AGAP2: variants seen among roughly 807,000 people sequenced by gnomAD.
AGAP2 encodes ArfGAP with GTPase domain, ankyrin repeat and PH domain 2, also known as arf-GAP with GTPase, ANK repeat and PH domain-containing protein 2.
A neutral mutation model predicts 110.9 loss-of-function variants in AGAP2; 32 were observed. That is an observed-to-expected ratio of 0.29 (90% CI 0.22 to 0.39). The LOEUF (loss-of-function observed/expected upper bound fraction) is 0.39, where lower values mean the gene tolerates loss of function less well. AGAP2 is among the 10% of genes least tolerant of loss of function. The pLI, the probability that AGAP2 is intolerant of heterozygous loss-of-function variation, is 1.00. For missense variants in AGAP2, 1,285 were observed against 1,638.5 expected, an observed-to-expected ratio of 0.78 and a Z score of 3.72; for synonymous variants, 702 against 713.0, an observed-to-expected ratio of 0.98 and a Z score of 0.25.
Position 57,737,549 on chromosome 12 carries a change from G to C in AGAP2, c.698C>G (p.Ser233Trp), listed in dbSNP as rs758302966. The change falls in exon 1 of 19, where the codon TCG becomes TGG. Residue 233 changes from serine (S) to tryptophan (W), a missense_variant. Transcript: ENST00000547588. The surrounding 1 kb of genome is among the most constrained non-coding windows in gnomAD (Gnocchi z 5.9). ...GSKSSAGTGASVSAAATAAAA... is the reference protein window; with the variant it reads ...GSKSSAGTGAWVSAAATAAAA... ...GGCGGCGGTGGCGGCGGCAGAGACC[G>C]AAGCTCCAGTCCCGGCGCTGCTCTT... 2 of 1,554,058 alleles carry C rather than the reference G, an allele frequency of 1.3e-6. No individual in the cohort carries two copies. Among genetic ancestry groups the C allele is most frequent in the Non-Finnish European group, 1.7e-6 (2 of 1,149,590 alleles).
At chr12:57,741,578 T>G (rs926677736), upstream of AGAP2, among the ~76,000 whole-genome samples, 4 of 152,198 alleles carry the variant, frequency 2.6e-5, no homozygotes, top group Admixed American at 1.3e-4. Flanking sequence ...TGCCCCAGAC[T>G]GCTTCCTGCT....
chr12:57,730,570 G>A lies in AGAP2; in HGVS notation c.2353C>T (p.Leu785=), dbSNP rs779358849. The A allele has an allele frequency of 3.7e-6, 6 of 1,614,196 alleles. No individual in the cohort carries two copies. The Admixed American group carries it at 1.0e-4, about 27-fold the overall frequency. The change falls in exon 12 of 19, where the codon CTG becomes TTG. Residue 785 remains leucine (L), a synonymous_variant. Transcript: ENST00000547588. ...MPSPSPSPSS[L]QPPPDQTSKH... Reference sequence around the variant, plus strand: ...GATGTCTGATCTGGTGGTGGCTGCAGGGAACTGGGGCTGGGGCTAGGGCTT... The same window carrying A: ...GATGTCTGATCTGGTGGTGGCTGCAAGGAACTGGGGCTGGGGCTAGGGCTT...
chr12:57,738,259 C>T lies in AGAP2; in HGVS notation c.-13G>A, dbSNP rs1955029653. 6.7e-7 allele frequency: 1 copy of T among 1,501,450 alleles called. No individual in the cohort carries two copies. Among genetic ancestry groups the T allele is most frequent in the Non-Finnish European group, 8.8e-7 (1 of 1,130,350 alleles). 93.0% of individuals were successfully genotyped at this position (1,501,450 alleles called of 1,614,324 possible). A position where few individuals can be genotyped will look rare whatever the true frequency, so the allele number is the denominator to read the frequency against. ...CGCCCCGGCTCATGGGGCCCGGAGA[C>T]CCCCGAGCTGGGGAGGGGAGGGGAC... On this transcript the variant is annotated 5_prime_UTR_variant, in exon 1 of 19. Transcript: ENST00000547588. The surrounding 1 kb of genome is among the most constrained non-coding windows in gnomAD (Gnocchi z 6.7).
At position 57,737,393 on chromosome 12, in the gene AGAP2, G is replaced by C. The variant is rs774065710; in HGVS notation, c.854C>G (p.Pro285Arg). 1 of 1,613,828 alleles carries C rather than the reference G, an allele frequency of 6.2e-7. No homozygotes were observed. Among genetic ancestry groups the C allele is most frequent in the Admixed American group, 1.7e-5 (1 of 60,028 alleles). Reference sequence around the variant, plus strand: ...TAGCGGAGGAGGAGAGCCGGCAGGCGGTCCCGGATGCAAGTCACTGTTGTC... The same window carrying C: ...TAGCGGAGGAGGAGAGCCGGCAGGCCGTCCCGGATGCAAGTCACTGTTGTC... ...TLDNSDLHPG[P>R]PAGSPPPLTL... The change falls in exon 1 of 19, where the codon CCG becomes CGG. Residue 285 changes from proline to arginine, a missense_variant. By Grantham distance (103) the Pro-to-Arg change is moderately radical. Coordinates refer to ENST00000547588, the MANE Select transcript of AGAP2 (RefSeq NM_001122772.3). This position sits in a 1 kb window ranked among gnomAD's most constrained non-coding sequence, Gnocchi z 5.9.
chr12:57,741,988 G>T, upstream of AGAP2: 1 of 1,614,142 alleles, frequency 6.2e-7, no homozygotes, highest in Middle Eastern at 1.6e-4. Context: ...GCTTCCTGAG[G>T]CGGTTTAGAG....
chr12:57,735,997 C>T (rs1187077993), intron 1 of AGAP2, among the ~76,000 whole-genome samples: 1 of 152,182 alleles, frequency 6.6e-6, no homozygotes, highest in African/African-American at 2.4e-5. Context: ...CCATCTCCCA[C>T]ACCCTCCCCA....
At position 57,737,157 on chromosome 12, in the gene AGAP2, G is replaced by A; in HGVS notation, c.1090C>T (p.Pro364Ser). The A allele has an allele frequency of 1.3e-6, 2 of 1,573,522 alleles. No homozygotes were observed. The highest frequency in any genetic ancestry group is 1.2e-5 in the South Asian group (1 of 86,436). The change falls in exon 1 of 19, where the codon CCC (proline) becomes TCC (serine). Residue 364 changes from proline to serine, a missense_variant. This residue lies in a region of AGAP2 where 844 missense variants were observed against 941.2 expected (regional missense o/e 0.90). Coordinates refer to ENST00000547588, the MANE Select transcript of AGAP2 (RefSeq NM_001122772.3). This position sits in a 1 kb window ranked among gnomAD's most constrained non-coding sequence, Gnocchi z 5.9. ...GACAGGCTGGGGGGTCCGGGAAGGG[G>A]CCCGGAGCCAGGAGGCCCTCCTGTG... ...KSTGGPPGSGPLPGPPSLSSG... is the reference protein window; with the variant it reads ...KSTGGPPGSGSLPGPPSLSSG...
At chr12:57,733,114 G>A (rs1595089362) in intron 5 of AGAP2, 135 bp from the exon 6 acceptor site, 4 of 1,182,888 alleles carry the variant, frequency 3.4e-6, no homozygotes, top group African/African-American at 1.5e-5. Flanking sequence ...TCTTTTCTGT[G>A]ACCAGGTGGA....
chr12:57,733,026 G>A (rs1954916282), intron 5 of AGAP2, 47 bp from the exon 6 acceptor site: 1 of 1,610,036 alleles, frequency 6.2e-7, no homozygotes. Flanking sequence ...GCCCCACCTT[G>A]TTCGATTTTT....
Position 57,726,633 on chromosome 12 carries a change from G to A in AGAP2, c.3498C>T (p.Ser1166=). 2.5e-6 allele frequency: 3 copies of A among 1,198,428 alleles called. No individual in the cohort carries two copies. Among genetic ancestry groups the A allele is most frequent in the Admixed American group, 4.5e-5 (1 of 22,226 alleles). The allele number at this position is 1,198,428 out of a possible 1,614,324, so 74.2% of individuals were successfully genotyped here. A position where few individuals can be genotyped will look rare whatever the true frequency, so the allele number is the denominator to read the frequency against. Residue 1166 remains serine, a synonymous_variant, in exon 19 of 19, where the codon AGC becomes AGT. Coordinates refer to ENST00000547588, the MANE Select transcript of AGAP2 (RefSeq NM_001122772.3). The surrounding 1 kb of genome is among the most constrained non-coding windows in gnomAD (Gnocchi z 5.7). ...GGCGGGGGCTGGGCGTGGCGGTGAT[G>A]CTGGGCGTGGTGGCCGCGCTGGGCG... is the stretch of plus-strand genomic sequence containing the variant. The part of the protein sequence containing the change: ...ATTPSAATTP[S]ITATPSPRRR...
At chr12:57,730,266 T>C (rs1248527365) in intron 12 of AGAP2, 3 of 610,572 alleles carry the variant, frequency 4.9e-6, no homozygotes, top group Non-Finnish European at 8.4e-6. Context: ...AGAGGTCAAG[T>C]AACTTGCCCA....
rs1024889078 is a variant in AGAP2 at position 57,733,956 on chromosome 12, T to C, written c.1549+70A>G. 5 of 1,497,246 alleles carry C rather than the reference T, an allele frequency of 3.3e-6. No individual in the cohort carries two copies. The East Asian group carries it at 6.9e-5, about 21-fold the overall frequency. 92.7% of individuals were successfully genotyped at this position (1,497,246 alleles called of 1,614,324 possible). A position where few individuals can be genotyped will look rare whatever the true frequency, so the allele number is the denominator to read the frequency against. On this transcript the variant is annotated intron_variant, in intron 5 of 18. Transcript: ENST00000547588. ...CCACACCTTACCAAGTTCTCACCCA[T>C]GTTGGGCAATATCCCAGTAGCCTCC...
chr12:57,734,004 T>C (rs1954932369), intron 5 of AGAP2, 22 bp downstream of exon 5: 1 of 1,545,484 alleles, frequency 6.5e-7, no homozygotes, highest in Non-Finnish European at 8.7e-7. Context: ...TTGAAAGCAG[T>C]GCTTTCCTAA....
intron 1 of AGAP2, among the ~76,000 whole-genome samples, chr12:57,736,425 C>G (rs575106833): frequency 6.6e-6 from 1 of 152,358 alleles, no homozygotes; most frequent in South Asian, 2.1e-4. Context: ...ACTCCAGGGT[C>G]AGCCCCGGGT....
At chr12:57,736,630 GA>G (rs1239137794) in intron 1 of AGAP2, among the ~76,000 whole-genome samples, 3 of 152,238 alleles carry the variant, frequency 2.0e-5, no homozygotes, top group African/African-American at 7.2e-5. Context: ...TCCCTGGCGA[GA>G]AGCTGCCTGC....
intron 2 of AGAP2, 132 bp downstream of exon 2, chr12:57,735,237 C>G: frequency 1.1e-6 from 1 of 872,486 alleles, no homozygotes; most frequent in Non-Finnish European, 1.8e-6. Flanking sequence ...GGCAGACTCT[C>G]AGGAGAACTG....
In AGAP2 at chr12:57,734,301, C is replaced by A. The variant is rs752883376; in HGVS notation, c.1401+18G>T. 5.6e-6 allele frequency: 9 copies of A among 1,614,030 alleles called. No individual in the cohort carries two copies. On this transcript the variant is annotated intron_variant, in intron 4 of 18. Coordinates refer to ENST00000547588, the MANE Select transcript of AGAP2 (RefSeq NM_001122772.3). ...TGCTGACCCCAGCCAGCCTGTCCCC[C>A]ACCACCTCCACCCTCACCTTGGCAT... is the stretch of plus-strand genomic sequence containing the variant.
chr12:57,731,995 G>C, intron 7 of AGAP2, 28 bp from the exon 8 acceptor site: 1 of 1,609,566 alleles, frequency 6.2e-7, no homozygotes. Context: ...AGTCAGCAGA[G>C]CTGAGATGCC....
At chr12:57,733,093 G>A (rs1485800242) in intron 5 of AGAP2, 114 bp from the exon 6 acceptor site, 1 of 1,354,076 alleles carries the variant, frequency 7.4e-7, no homozygotes, top group Non-Finnish European at 1.0e-6. Context: ...GGGATGGGGT[G>A]TGAGAGATCA....
Sources: allele counts gnomAD v4.1 joint callset (sites outside exome capture counted in the v4.1 genomes callset), GRCh38; gene constraint gnomAD v4.1.1; regional missense constraint gnomAD v4.1.1; non-coding constraint Gnocchi (gnomAD v3.1); transcripts MANE v1.5; gene names NCBI Gene and HGNC (gene_info 2026-07-23, HGNC 2026-07-21).